Variants in CCDC141 observed in about 807,000 individuals in gnomAD.
The protein encoded by CCDC141 is coiled-coil domain containing 141.
Under a neutral mutation model 181.0 loss-of-function variants are expected in CCDC141, and 168 were observed. That is an observed-to-expected ratio of 0.93 (90% CI 0.82 to 1.05). CCDC141 has a LOEUF of 1.05. Ranked by LOEUF, CCDC141 falls within the 50% of genes least tolerant of loss-of-function variation. CCDC141 has a pLI of 0.00. For synonymous variants in CCDC141, 666 were observed against 642.3 expected (o/e 1.04, Z -0.56); for missense variants, 1,902 against 1,788.5 (o/e 1.06, Z -1.14).
At position 179,005,881 on chromosome 2, in the gene CCDC141, A is replaced by G. The variant is rs550186556; in HGVS notation, c.226-27206T>C. On this transcript the variant is annotated intron_variant, in intron 2 of 23. Coordinates refer to ENST00000443758, the MANE Select transcript of CCDC141 (RefSeq NM_173648.4). The stretch of plus-strand genomic sequence containing the variant: ...CACCTTGGCCTCCCAAAGTGCTGGG[A>G]TTATAGGCATGAGCCACCATGCCCA... Among the ~76,000 whole-genome samples, 21 of 152,284 alleles carry G rather than the reference A, an allele frequency of 1.4e-4. No individual in the cohort carries two copies. The East Asian group carries it at 3.9e-3, about 28-fold the overall frequency.
intron 5 of CCDC141, among the ~76,000 whole-genome samples, chr2:178,948,560 T>A (rs1689824742): frequency 1.3e-5 from 2 of 152,190 alleles, no homozygotes; most frequent in African/African-American, 2.4e-5. Flanking sequence ...ACAGTTTTGA[T>A]GTGTGTCCCC....
chr2:178,837,008 AG>A lies in CCDC141; in HGVS notation c.4210del (p.Leu1404Ter). On this transcript the variant is annotated frameshift_variant, in exon 23 of 24. Transcript: ENST00000443758. LOFTEE classifies it high-confidence loss of function. ...GGAGAAATTAGGTGCCTGGTCAGCT[AG>A]GCTGACCACGCTGCTCTTTGCTGAT... ...STSAKSSVVS[L>X]ADQAPNFSRL... 1 of 1,613,870 alleles carries A rather than the reference AG, an allele frequency of 6.2e-7. No homozygotes were observed. The highest frequency in any genetic ancestry group is 8.5e-7 in the Non-Finnish European group (1 of 1,179,918).
chr2:178,872,540 G>A (rs1033282322), intron 12 of CCDC141, among the ~76,000 whole-genome samples: 7 of 152,108 alleles, frequency 4.6e-5, no homozygotes, highest in African/African-American at 1.4e-4. Context: ...AGGGGTGTTT[G>A]AATTCCTACC....
In CCDC141 at chr2:178,868,118, G is replaced by A. The variant is rs12988301; in HGVS notation, c.2482C>T (p.Arg828Trp). Residue 828 changes from arginine (R) to tryptophan (W), a missense_variant, in exon 16 of 24, where the codon CGG (arginine) becomes TGG (tryptophan). Coordinates refer to ENST00000443758, the MANE Select transcript of CCDC141 (RefSeq NM_173648.4). ...CGGGCTTGCTTTTCCTGAGAGCACCGGAGGTGAATCTGCACATCATGGGCA... is the reference window on the plus strand; with the variant it reads ...CGGGCTTGCTTTTCCTGAGAGCACCAGAGGTGAATCTGCACATCATGGGCA... ...GDAHDVQIHL[R>W]CSQEKQARVD... 0.076 allele frequency: 122,607 copies of A among 1,613,758 alleles called. 5,408 individuals are homozygous for A. Among genetic ancestry groups the A allele is most frequent in the African/African-American group, 0.17 (12,907 of 74,972 alleles).
At chr2:178,935,990 C>T (rs1330885580) in intron 6 of CCDC141, among the ~76,000 whole-genome samples, 2 of 151,644 alleles carry the variant, frequency 1.3e-5, no homozygotes, top group African/African-American at 4.8e-5. Context: ...TATATGCTGG[C>T]TATTAGGCCT....
chr2:178,818,272 A>C, the CCDC141 span, among the ~76,000 whole-genome samples: 10 of 152,166 alleles, frequency 6.6e-5, no homozygotes, highest in Admixed American at 2.0e-4. Flanking sequence ...CATAAAGGTG[A>C]CTTTTTAAAA....
At chr2:178,993,495 C>G (rs1167806057) in intron 2 of CCDC141, among the ~76,000 whole-genome samples, 1 of 152,136 alleles carries the variant, frequency 6.6e-6, no homozygotes, top group East Asian at 1.9e-4. Context: ...AAGACCTAAC[C>G]CCATGATTCA....
downstream of CCDC141, among the ~76,000 whole-genome samples, chr2:178,828,078 T>C (rs987357300): frequency 1.3e-5 from 2 of 152,170 alleles, no homozygotes; most frequent in African/African-American, 2.4e-5. Flanking sequence ...GTGTCTGCCA[T>C]GGCCTCCCTT....
At chr2:178,973,057 T>C (rs1208805331) in intron 4 of CCDC141, among the ~76,000 whole-genome samples, 1 of 152,220 alleles carries the variant, frequency 6.6e-6, no homozygotes, top group African/African-American at 2.4e-5. Flanking sequence ...GCTGCACTTA[T>C]AGACATATTT....
At chr2:178,850,278 AT>A in intron 20 of CCDC141, 117 bp from the exon 21 acceptor site, 2 of 626,220 alleles carry the variant, frequency 3.2e-6, no homozygotes. Context: ...TAAGTTCTTA[AT>A]AAATATTTGC....
chr2:178,916,049 A>T (rs1688432949), intron 7 of CCDC141, among the ~76,000 whole-genome samples: 1 of 152,100 alleles, frequency 6.6e-6, no homozygotes, highest in African/African-American at 2.4e-5. Context: ...ATCATCCATG[A>T]AACTGTGATA....
chr2:178,820,035 A>G, the CCDC141 span, among the ~76,000 whole-genome samples: 25 of 152,294 alleles, frequency 1.6e-4, no homozygotes, highest in South Asian at 1.5e-3. Flanking sequence ...AAAGCACACC[A>G]CTGATACTTC....
chr2:178,902,943 G>A (rs1408855808), intron 8 of CCDC141, among the ~76,000 whole-genome samples: 25 of 148,400 alleles, frequency 1.7e-4, no homozygotes, highest in African/African-American at 2.9e-4. Context: ...AAAAGTGGGC[G>A]AAGGACATGA....
chr2:178,902,695 G>T (rs1276893478), intron 8 of CCDC141, among the ~76,000 whole-genome samples: 14 of 150,956 alleles, frequency 9.3e-5, no homozygotes, highest in Non-Finnish European at 1.5e-4. Context: ...CATAGGCATG[G>T]GCAAGGACTT....
intron 8 of CCDC141, among the ~76,000 whole-genome samples, chr2:178,893,823 G>GCACACACACACA (rs34654821): frequency 2.8e-5 from 4 of 141,892 alleles, no homozygotes; most frequent in Admixed American, 7.0e-5. Flanking sequence ...ACACACACAC[G>GCACACACACACA]CACACACACA....
At chr2:178,968,247 T>C (rs1171816285) in intron 4 of CCDC141, among the ~76,000 whole-genome samples, 1 of 152,220 alleles carries the variant, frequency 6.6e-6, no homozygotes, top group Non-Finnish European at 1.5e-5. Context: ...CTAATAGACA[T>C]CTACAGAACT....
chr2:178,864,089 G>T (rs909945301), intron 17 of CCDC141, among the ~76,000 whole-genome samples: 6 of 152,186 alleles, frequency 3.9e-5, no homozygotes, highest in African/African-American at 1.4e-4. Context: ...AGCCAGAGGG[G>T]GCTGGGAAAA....
chr2:179,043,625 TC>T (rs2043385929), intron 2 of CCDC141, among the ~76,000 whole-genome samples: 1 of 152,112 alleles, frequency 6.6e-6, no homozygotes, highest in Non-Finnish European at 1.5e-5. Flanking sequence ...AAATTCAACA[TC>T]CCTTCATGTT....
chr2:178,978,688 G>C lies in CCDC141; in HGVS notation c.226-13C>G. On this transcript the variant is annotated splice_polypyrimidine_tract_variant and intron_variant, in intron 2 of 23. Coordinates refer to ENST00000443758, the MANE Select transcript of CCDC141 (RefSeq NM_173648.4). ...GATCTTCCAAAGCCTAAGTACAAAA[G>C]AAAAAGGCATAAGGCAGGGTGTTAA... The C allele has an allele frequency of 6.6e-7, 1 of 1,509,610 alleles. No homozygotes were observed. Among genetic ancestry groups the C allele is most frequent in the Non-Finnish European group, 8.9e-7 (1 of 1,127,982 alleles). 93.5% of individuals were successfully genotyped at this position (1,509,610 alleles called of 1,614,324 possible).
Sources: gnomAD v4.1 joint callset for allele counts (sites outside exome capture counted in the v4.1 genomes callset) on GRCh38, gnomAD v4.1.1 for gene constraint, MANE v1.5 for transcripts, NCBI Gene and HGNC (gene_info 2026-07-23, HGNC 2026-07-21) for gene names.